PCTP: variants seen among roughly 807,000 people sequenced by gnomAD.
PCTP encodes the protein phosphatidylcholine transfer protein.
Under a neutral mutation model 31.0 loss-of-function variants are expected in PCTP, and 27 were observed. That is an observed-to-expected ratio of 0.87 (90% CI 0.64 to 1.20). The LOEUF (loss-of-function observed/expected upper bound fraction) is 1.20, where lower values mean the gene tolerates loss of function less well. PCTP is among the 50% of genes most tolerant of loss of function. The pLI, the probability that PCTP is intolerant of heterozygous loss-of-function variation, is 0.00. For missense variants in PCTP, 287 were observed against 268.2 expected (o/e 1.07, Z -0.49); for synonymous variants, 108 against 101.2 (o/e 1.07, Z -0.40).
chr17:55,801,090 G>A (rs1598006211), intron 3 of PCTP, among the ~76,000 whole-genome samples: 1 of 152,076 alleles, frequency 6.6e-6, no homozygotes, highest in Non-Finnish European at 1.5e-5. Flanking sequence ...CTCCCAGTCT[G>A]GAGGCACAGG....
At chr17:55,801,186 C>A (rs137976798) in intron 3 of PCTP, among the ~76,000 whole-genome samples, 1 of 152,152 alleles carries the variant, frequency 6.6e-6, no homozygotes, top group East Asian at 1.9e-4. Context: ...TATATGCACC[C>A]AATACAGGAG....
At chr17:55,773,963 G>T in intron 4 of PCTP, 68 bp downstream of exon 4, 1 of 1,478,748 alleles carries the variant, frequency 6.8e-7, no homozygotes. Context: ...GGCTGATGGG[G>T]GGACATGTCG....
chr17:55,811,489 C>T (rs1912749183), intron 3 of PCTP, among the ~76,000 whole-genome samples: 1 of 152,194 alleles, frequency 6.6e-6, no homozygotes, highest in Non-Finnish European at 1.5e-5. Context: ...ACAGAGATCT[C>T]TCACCCAGAA....
chr17:55,789,431 A>G (rs1320202801), intron 3 of PCTP, among the ~76,000 whole-genome samples: 1 of 152,194 alleles, frequency 6.6e-6, no homozygotes, highest in East Asian at 1.9e-4. Flanking sequence ...TGACTAAGTG[A>G]TCAGTAATTG....
chr17:55,816,174 T>G (rs1211144808), intron 3 of PCTP, among the ~76,000 whole-genome samples: 1 of 152,192 alleles, frequency 6.6e-6, no homozygotes, highest in African/African-American at 2.4e-5. Flanking sequence ...ATTCACAGAC[T>G]TGGGCAGCCA....
intron 3 of PCTP, among the ~76,000 whole-genome samples, chr17:55,800,590 T>A (rs2145024401): frequency 6.6e-6 from 1 of 152,200 alleles, no homozygotes; most frequent in East Asian, 1.9e-4. Context: ...TTCATCAAAC[T>A]CATTCTCCAT....
intron 3 of PCTP, among the ~76,000 whole-genome samples, chr17:55,821,499 G>C (rs961560161): frequency 5.9e-5 from 9 of 152,150 alleles, no homozygotes; most frequent in Non-Finnish European, 1.0e-4. Context: ...CACATAAATT[G>C]GTTCATTGCA....
At chr17:55,763,570 C>T (rs1025863233) in intron 1 of PCTP, among the ~76,000 whole-genome samples, 1 of 151,632 alleles carries the variant, frequency 6.6e-6, no homozygotes, top group African/African-American at 2.4e-5. Flanking sequence ...ATGGAGTCTT[C>T]ATAACCTCAG....
At chr17:55,764,398 G>A (rs1228050030) in intron 1 of PCTP, among the ~76,000 whole-genome samples, 1 of 152,166 alleles carries the variant, frequency 6.6e-6, no homozygotes, top group African/African-American at 2.4e-5. Flanking sequence ...TGTGTGTGAG[G>A]GGAGGGGGCA....
downstream of PCTP, among the ~76,000 whole-genome samples, chr17:55,845,085 C>CAAAAAAAAAA (rs891404386): frequency 0.021 from 677 of 32,512 alleles, 97 homozygotes; most frequent in East Asian, 0.082. Context: ...AAAACTCCAT[C>CAAAAAAAAAA]AAAAAAAAAA....
intron 5 of PCTP, among the ~76,000 whole-genome samples, chr17:55,831,186 C>G (rs1213199386): frequency 6.6e-6 from 1 of 152,180 alleles, no homozygotes; most frequent in Non-Finnish European, 1.5e-5. Context: ...GTTTAAAAAG[C>G]GACTCGGTAG....
At chr17:55,830,780 G>A (rs887036253) in intron 5 of PCTP, among the ~76,000 whole-genome samples, 9 of 152,198 alleles carry the variant, frequency 5.9e-5, no homozygotes, top group Admixed American at 5.9e-4. Context: ...TGAGGGGTTA[G>A]GGGAGATGGA....
chr17:55,767,293 C>T, intron 1 of PCTP, 42 bp from the exon 2 acceptor site: 1 of 1,271,822 alleles, frequency 7.9e-7, no homozygotes, highest in Middle Eastern at 1.9e-4. Flanking sequence ...TTTCTCTCAA[C>T]TTGGGAACCA....
intron 1 of PCTP, among the ~76,000 whole-genome samples, chr17:55,759,003 C>T (rs1234267825): frequency 1.3e-5 from 2 of 152,192 alleles, no homozygotes; most frequent in Admixed American, 6.5e-5. Context: ...TTCATTCAGC[C>T]TTGGGAATCC....
downstream of PCTP, among the ~76,000 whole-genome samples, chr17:55,843,875 C>T (rs934011885): frequency 2.6e-5 from 4 of 152,000 alleles, no homozygotes; most frequent in Non-Finnish European, 5.9e-5. Context: ...TTGCAATATC[C>T]ACAAGGTAAT....
In PCTP at chr17:55,767,330, T is replaced by G; in HGVS notation, c.142-5T>G. The G allele has an allele frequency of 6.4e-7, 1 of 1,574,770 alleles. No homozygotes were observed. Among genetic ancestry groups the G allele is most frequent in the Non-Finnish European group, 8.7e-7 (1 of 1,146,480 alleles). On this transcript the variant is annotated splice_polypyrimidine_tract_variant and splice_region_variant and intron_variant, in intron 1 of 5. Coordinates refer to ENST00000268896, the MANE Select transcript of PCTP (RefSeq NM_021213.4). ...TAGACATTTCTACCTGTTCTGTTTTTATAGAAGACTGGACTTTATGAGTAT... is the reference window on the plus strand; with the variant it reads ...TAGACATTTCTACCTGTTCTGTTTTGATAGAAGACTGGACTTTATGAGTAT...
chr17:55,791,421 A>G (rs1911973260), intron 3 of PCTP, among the ~76,000 whole-genome samples: 1 of 146,952 alleles, frequency 6.8e-6, no homozygotes, highest in African/African-American at 2.5e-5. Flanking sequence ...CAAAGGGCTA[A>G]TATCCAGAAT....
At chr17:55,845,926 GTA>G (rs1555572494), downstream of PCTP, among the ~76,000 whole-genome samples, 19 of 146,588 alleles carry the variant, frequency 1.3e-4, no homozygotes, top group South Asian at 4.2e-4. Context: ...GTGTGTGTGT[GTA>G]TGTGTGTGTG....
rs947338821 is a variant in PCTP at position 55,768,764 on chromosome 17, T to C, written c.259+1312T>C. On this transcript the variant is annotated intron_variant, in intron 2 of 5. Coordinates refer to ENST00000268896, the MANE Select transcript of PCTP (RefSeq NM_021213.4). ...AGCATGGCGACCAGGCTATCGGTCT[T>C]AGATTTTTCCCTGTAAGTTATGTGT... The C allele has an allele frequency of 6.6e-5, 10 of 152,274 alleles. No homozygotes were observed. In the East Asian group the frequency reaches 1.7e-3, roughly 27 times the overall value. 9.4% of individuals were successfully genotyped at this position (152,274 alleles called of 1,614,324 possible). A position where few individuals can be genotyped will look rare whatever the true frequency, so the allele number is the denominator to read the frequency against.
Sources: gnomAD v4.1 joint callset for allele counts (sites outside exome capture counted in the v4.1 genomes callset) on GRCh38, gnomAD v4.1.1 for gene constraint, MANE v1.5 for transcripts, NCBI Gene and HGNC (gene_info 2026-07-23, HGNC 2026-07-21) for gene names.